Variants in SLTM observed in about 807,000 individuals in gnomAD.
SLTM encodes SAFB-like transcription modulator.
Under a neutral mutation model 134.6 loss-of-function variants are expected in SLTM, and 43 were observed. That is an observed-to-expected ratio of 0.32 (90% CI 0.25 to 0.41). SLTM has a LOEUF of 0.41. Among genes scored for constraint, SLTM ranks in the 10% least tolerant of loss-of-function variants. The pLI is 1.00. For synonymous variants in SLTM, 424 were observed against 432.3 expected, an observed-to-expected ratio of 0.98 and a Z score of 0.24; for missense variants, 1,055 against 1,288.8, an observed-to-expected ratio of 0.82 and a Z score of 2.78.
At position 58,901,248 on chromosome 15, in the gene SLTM, CA is replaced by C; in HGVS notation, c.589+11del. On this transcript the variant is annotated intron_variant, in intron 6 of 20. Transcript: ENST00000380516. Reference sequence around the variant, plus strand: ...AATTTTAGCAATTTTTAAGCTCTAGCATCAAACATACCTTTCTCATTTTCTT... The same window carrying C: ...AATTTTAGCAATTTTTAAGCTCTAGCTCAAACATACCTTTCTCATTTTCTT... 6.2e-7 allele frequency: 1 copy of C among 1,600,690 alleles called. No homozygotes were observed. Among genetic ancestry groups the C allele is most frequent in the Non-Finnish European group, 8.5e-7 (1 of 1,173,792 alleles).
At chr15:58,914,619 G>A (rs1221627039) in intron 3 of SLTM, among the ~76,000 whole-genome samples, 2 of 152,142 alleles carry the variant, frequency 1.3e-5, no homozygotes, top group African/African-American at 4.8e-5. Flanking sequence ...GCTGTATTAT[G>A]GCAGAAGAAT....
chr15:58,882,181 C>CAAA (rs71119415), intron 20 of SLTM, among the ~76,000 whole-genome samples: 4 of 59,528 alleles, frequency 6.7e-5, no homozygotes, highest in Admixed American at 2.5e-4. Flanking sequence ...GACTCTGTCT[C>CAAA]AAAAAAAAAA....
intron 20 of SLTM, 120 bp downstream of exon 20, chr15:58,883,506 G>A: frequency 1.5e-6 from 2 of 1,315,738 alleles, no homozygotes; most frequent in South Asian, 1.3e-5. Context: ...ACAGGGAAAT[G>A]TTCAGGCAGA....
chr15:58,922,553 T>A (rs1255120703), intron 2 of SLTM, among the ~76,000 whole-genome samples: 31 of 136,080 alleles, frequency 2.3e-4, no homozygotes, highest in African/African-American at 4.9e-4. Flanking sequence ...TATATGTATA[T>A]AATATGTATA....
At chr15:58,882,193 A>AAAAAAAAAAAAAAAAAAAAAAC in intron 20 of SLTM, among the ~76,000 whole-genome samples, 1 of 149,808 alleles carries the variant, frequency 6.7e-6, no homozygotes, top group South Asian at 2.1e-4. Flanking sequence ...AAAAAAAAAA[A>AAAAAAAAAAAAAAAAAAAAAAC]CCACACTTAG....
chr15:58,893,304 G>A lies in SLTM; in HGVS notation c.1709C>T (p.Pro570Leu), dbSNP rs1343730898. 3 of 1,610,568 alleles carry A rather than the reference G, an allele frequency of 1.9e-6. No individual in the cohort carries two copies. In the African/African-American group the frequency reaches 4.0e-5, roughly 22 times the overall value. Residue 570 changes from proline (P) to leucine (L), a missense_variant, in exon 13 of 21, where the codon CCA becomes CTA. Pro to Leu is a moderately conservative substitution (Grantham distance 98). Around this residue, in one of 3 missense-constraint regions of SLTM, gnomAD observed 776 missense variants for 962.2 expected, o/e 0.81. Coordinates refer to ENST00000380516, the MANE Select transcript of SLTM (RefSeq NM_024755.4). ...LDQTKGDHCR[P>L]SRRGRYEKIH... The stretch of plus-strand genomic sequence containing the variant: ...TTTCTCATATCTTCCTCTTCTTGAT[G>A]GTCTACAATGATCTCCTTTAGTTTG...
At chr15:58,931,048 G>A (rs1345212006) in intron 2 of SLTM, among the ~76,000 whole-genome samples, 2 of 152,068 alleles carry the variant, frequency 1.3e-5, no homozygotes, top group Non-Finnish European at 2.9e-5. Context: ...CAAAACTACT[G>A]CAAGACACAT....
chr15:58,884,235 T>C (rs1269584545), intron 19 of SLTM, among the ~76,000 whole-genome samples: 1 of 152,160 alleles, frequency 6.6e-6, no homozygotes, highest in Non-Finnish European at 1.5e-5. Context: ...CAGCAGCATA[T>C]GAAAAGAGTT....
At chr15:58,889,123 A>G (rs1436547727) in intron 16 of SLTM, 2 of 247,222 alleles carry the variant, frequency 8.1e-6, no homozygotes, top group Admixed American at 1.0e-4. Flanking sequence ...TTCCATTTCT[A>G]TACTACCTGC....
At chr15:58,926,936 TA>T (rs1403603928) in intron 2 of SLTM, among the ~76,000 whole-genome samples, 1 of 152,160 alleles carries the variant, frequency 6.6e-6, no homozygotes, top group African/African-American at 2.4e-5. Context: ...ATGGCTGCGA[TA>T]AAAGGGCTAA....
chr15:58,894,337 C>T (rs2034903693), intron 10 of SLTM, 96 bp downstream of exon 10: 1 of 1,490,312 alleles, frequency 6.7e-7, no homozygotes, highest in African/African-American at 1.4e-5. Context: ...AATTAAAAAT[C>T]ACTGCAAATT....
At chr15:58,915,279 C>T (rs2036553118) in intron 3 of SLTM, among the ~76,000 whole-genome samples, 2 of 152,170 alleles carry the variant, frequency 1.3e-5, no homozygotes, top group Non-Finnish European at 2.9e-5. Context: ...TTTATTTAAT[C>T]ATAACACAAA....
chr15:58,894,686 G>A (rs555140995), intron 9 of SLTM, 104 bp from the exon 10 acceptor site: 69 of 932,914 alleles, frequency 7.4e-5, no homozygotes, highest in Non-Finnish European at 9.6e-5. Context: ...AATTCAGGGT[G>A]TATCTTATTC....
At chr15:58,909,779 A>G (rs773219876) in intron 5 of SLTM, among the ~76,000 whole-genome samples, 18 of 152,240 alleles carry the variant, frequency 1.2e-4, no homozygotes, top group Non-Finnish European at 1.9e-4. Context: ...AAACAAAGGA[A>G]TATGTTGAAC....
In SLTM at chr15:58,889,448, G is replaced by T. The variant is rs1388030607; in HGVS notation, c.2186C>A (p.Pro729Gln). ...EQEKRNSLKR[P>Q]RDVDHRRDDP... ...TAACTACCTATGATCTACATCACGT[G>T]GGCGTTTCAAGGAATTCCTTTTTTC... The change falls in exon 16 of 21, where the codon CCA becomes CAA. Residue 729 changes from proline (P) to glutamine (Q), a missense_variant. Transcript: ENST00000380516. 1 of 1,613,822 alleles carries T rather than the reference G, an allele frequency of 6.2e-7. No homozygotes were observed. Among genetic ancestry groups the T allele is most frequent in the East Asian group, 2.2e-5 (1 of 44,880 alleles).
At chr15:58,915,558 A>G (rs914878632) in intron 3 of SLTM, among the ~76,000 whole-genome samples, 1 of 152,226 alleles carries the variant, frequency 6.6e-6, no homozygotes, top group Non-Finnish European at 1.5e-5. Flanking sequence ...TAGTAAGGGT[A>G]ACAGAATACC....
Position 58,899,968 on chromosome 15 carries a change from A to G in SLTM, c.590-31T>C. 6.5e-7 allele frequency: 1 copy of G among 1,540,280 alleles called. No individual in the cohort carries two copies. Among genetic ancestry groups the G allele is most frequent in the East Asian group, 2.3e-5 (1 of 44,202 alleles). On this transcript the variant is annotated intron_variant, in intron 6 of 20. Coordinates refer to ENST00000380516, the MANE Select transcript of SLTM (RefSeq NM_024755.4). The surrounding 1 kb of genome is among the most constrained non-coding windows in gnomAD (Gnocchi z 5.0). Reference sequence around the variant, plus strand: ...AGGATTTAACAGGAATAAATATGGCAAAACAAGAAGTTTAAACAATTTCAT... The same window carrying G: ...AGGATTTAACAGGAATAAATATGGCGAAACAAGAAGTTTAAACAATTTCAT...
intron 5 of SLTM, among the ~76,000 whole-genome samples, chr15:58,905,413 C>T (rs2035804600): frequency 6.6e-6 from 1 of 152,022 alleles, no homozygotes; most frequent in African/African-American, 2.4e-5. Context: ...TTAAAGAATG[C>T]AACATGTGGC....
chr15:58,900,998 A>C, intron 6 of SLTM: 2 of 346,664 alleles, frequency 5.8e-6, no homozygotes. Context: ...TTAAAAATAA[A>C]ATTAAAATTG....
Sources: gnomAD v4.1 joint callset for allele counts (sites outside exome capture counted in the v4.1 genomes callset) on GRCh38, gnomAD v4.1.1 for gene constraint, gnomAD v4.1.1 regional missense constraint, Gnocchi (gnomAD v3.1) non-coding constraint, MANE v1.5 for transcripts, NCBI Gene and HGNC (gene_info 2026-07-23, HGNC 2026-07-21) for gene names.